Variants in SETD5 observed in about 807,000 individuals in gnomAD.
The protein encoded by SETD5 is histone-lysine N-methyltransferase SETD5.
SETD5 carries 44 observed loss-of-function variants against 153.3 expected under a neutral mutation model. The ratio of observed to expected loss-of-function variants is 0.29; its 90% CI spans 0.23 to 0.37. The LOEUF (loss-of-function observed/expected upper bound fraction) is 0.37. Ranked by LOEUF, SETD5 falls within the 10% of genes least tolerant of loss-of-function variation. SETD5 has a pLI of 1.00. For synonymous variants in SETD5, 716 were observed against 645.2 expected (o/e 1.11, Z -1.66); for missense variants, 1,544 against 1,768.0 (o/e 0.87, Z 2.27).
chr3:9,424,299 G>A (rs530306340), intron 1 of SETD5, among the ~76,000 whole-genome samples, 168 bp from the exon 2 acceptor site: 80 of 152,034 alleles, frequency 5.3e-4, no homozygotes, highest in Non-Finnish European at 6.3e-4. Context: ...AAAATTAAAG[G>A]GCAAAAAATT....
At chr3:9,474,914 C>G in intron 21 of SETD5, 154 bp from the exon 22 acceptor site, 1 of 664,126 alleles carries the variant, frequency 1.5e-6, no homozygotes, top group Non-Finnish European at 2.5e-6. Context: ...ATTAACCACT[C>G]ATTTTGCCCT....
intron 18 of SETD5, among the ~76,000 whole-genome samples, chr3:9,465,886 CTTTATAG>C (rs2044496803): frequency 6.6e-6 from 1 of 152,068 alleles, no homozygotes; most frequent in African/African-American, 2.4e-5. Context: ...GCACCTAGAG[CTTTATAG>C]TAAGGTATCA....
At chr3:9,429,674 C>T (rs983908115) in intron 3 of SETD5, among the ~76,000 whole-genome samples, 1 of 151,980 alleles carries the variant, frequency 6.6e-6, no homozygotes, top group Non-Finnish European at 1.5e-5. Flanking sequence ...GAAGGTAGGC[C>T]TTCATTATAC....
intron 1 of SETD5, among the ~76,000 whole-genome samples, chr3:9,408,508 G>GT (rs899900519): frequency 3.9e-5 from 6 of 152,088 alleles, no homozygotes; most frequent in African/African-American, 1.4e-4. Flanking sequence ...TATAGATTCT[G>GT]TTTTTTCCAT....
At chr3:9,457,372 C>T (rs111979419) in intron 17 of SETD5, among the ~76,000 whole-genome samples, 2 of 151,548 alleles carry the variant, frequency 1.3e-5, no homozygotes, top group Non-Finnish European at 2.9e-5. Context: ...CTTGTAGTCC[C>T]GCTACTCGGG....
chr3:9,464,301 T>C (rs2044311976), intron 17 of SETD5, 124 bp from the exon 18 acceptor site: 1 of 1,354,670 alleles, frequency 7.4e-7, no homozygotes, highest in Non-Finnish European at 1.0e-6. Flanking sequence ...TTGGAGGAGA[T>C]AACTTAATGG....
chr3:9,425,789 T>G (rs2039097793), intron 2 of SETD5, among the ~76,000 whole-genome samples: 1 of 152,188 alleles, frequency 6.6e-6, no homozygotes, highest in Admixed American at 6.5e-5. Flanking sequence ...AAACCATGCA[T>G]TTTTTAAATG....
At chr3:9,410,942 G>T (rs2036481997) in intron 1 of SETD5, among the ~76,000 whole-genome samples, 1 of 150,408 alleles carries the variant, frequency 6.6e-6, no homozygotes, top group Non-Finnish European at 1.5e-5. Flanking sequence ...AGGCTGGAGT[G>T]CAGTGGCATG....
At chr3:9,430,325 T>C (rs924256514) in intron 3 of SETD5, 19 of 983,000 alleles carry the variant, frequency 1.9e-5, no homozygotes, top group Admixed American at 1.8e-4. Context: ...TCTGGGGTAG[T>C]CTAAAATGAA....
At chr3:9,453,712 TA>T in intron 16 of SETD5, 26 bp from the exon 17 acceptor site, 1 of 1,562,064 alleles carries the variant, frequency 6.4e-7, no homozygotes, top group South Asian at 1.2e-5. Flanking sequence ...TAATTATTGA[TA>T]ATTCTCTGGT....
rs148278924 is a variant in SETD5, at chr3:9,452,887, G to A, written c.2347-852G>A. On this transcript the variant is annotated intron_variant, in intron 16 of 22. Coordinates refer to ENST00000402198, the MANE Select transcript of SETD5 (RefSeq NM_001080517.3). ...TCAAAATTCGATCTGTCTTATGTCA[G>A]GGCAGGAGAGCCACAGAGTGGTGAG... 1.2e-4 allele frequency among the ~76,000 whole-genome samples: 19 copies of A among 152,102 alleles called. No individual in the cohort carries two copies. In the East Asian group the frequency reaches 3.5e-3, roughly 28 times the overall value.
At chr3:9,435,976 C>A in intron 7 of SETD5, 70 bp downstream of exon 7, 1 of 1,391,142 alleles carries the variant, frequency 7.2e-7, no homozygotes, top group Non-Finnish European at 9.7e-7. Context: ...AAGAATGCAC[C>A]AAAATTCTTT....
chr3:9,468,288 A>G (rs930078690), intron 18 of SETD5, among the ~76,000 whole-genome samples: 14 of 152,050 alleles, frequency 9.2e-5, no homozygotes, highest in Non-Finnish European at 1.6e-4. Flanking sequence ...GAAACATTAT[A>G]ACCAATTTAT....
In SETD5 at chr3:9,447,096, A is replaced by T. The variant is rs750435821; in HGVS notation, c.1571A>T (p.Asn524Ile). ...GAAGCCATCATGCATGCTTTTGAAA[A>T]CTTAGAGAAAAGAAAGAAGCGGCGG... is the stretch of plus-strand genomic sequence containing the variant. ...KVEAIMHAFE[N>I]LEKRKKRRDQ... The change falls in exon 14 of 23, where the codon AAC becomes ATC. Residue 524 changes from asparagine (N) to isoleucine (I), a missense_variant. Asn to Ile is a moderately radical substitution (Grantham distance 149). Around this residue, in one of 9 missense-constraint regions of SETD5, gnomAD observed 782 missense variants for 787.2 expected, o/e 0.99. Transcript: ENST00000402198. 3 of 1,613,806 alleles carry T rather than the reference A, an allele frequency of 1.9e-6. No individual in the cohort carries two copies. Among genetic ancestry groups the T allele is most frequent in the Non-Finnish European group, 2.5e-6 (3 of 1,179,804 alleles).
chr3:9,430,246 A>G, intron 3 of SETD5: 2 of 984,948 alleles, frequency 2.0e-6, no homozygotes, highest in Non-Finnish European at 2.4e-6. Context: ...CACCTAATAT[A>G]ACTTACCTGT....
chr3:9,474,850 G>T, intron 21 of SETD5: 1 of 618,990 alleles, frequency 1.6e-6, no homozygotes. Flanking sequence ...CCTCGATGAA[G>T]GATGAAGAGA....
At position 9,445,256 on chromosome 3, in the gene SETD5, T is replaced by C; in HGVS notation, c.1396T>C (p.Ser466Pro). Residue 466 changes from serine to proline, a missense_variant, in exon 12 of 23, where the codon TCA (serine) becomes CCA (proline). Coordinates refer to ENST00000402198, the MANE Select transcript of SETD5 (RefSeq NM_001080517.3). ...EASEENNDQQ[S>P]QEVPEKVTVS... is the part of the protein sequence containing the mutation. ...TTCAGAGGAGAATAATGACCAGCAA[T>C]CACAAGAAGTTCCAGAAAAAGTAAC... 6.2e-7 allele frequency: 1 copy of C among 1,610,264 alleles called. No homozygotes were observed.
intron 16 of SETD5, among the ~76,000 whole-genome samples, chr3:9,450,819 A>G (rs537264630): frequency 6.6e-6 from 1 of 152,208 alleles, no homozygotes; most frequent in Non-Finnish European, 1.5e-5. Context: ...ACTTACCAGT[A>G]TAGGACAAAT....
rs376821559 is a variant in SETD5, at chr3:9,445,965, G to GTTTTTTTTTTTTTTTTTT, written c.1524+231_1524+248dup. 3.7e-4 allele frequency among the ~76,000 whole-genome samples: 32 copies of GTTTTTTTTTTTTTTTTTT among 86,458 alleles called. 4 individuals carry two copies. Among genetic ancestry groups the GTTTTTTTTTTTTTTTTTT allele is most frequent in the African/African-American group, 1.4e-3 (30 of 21,376 alleles). The allele number at this position is 86,458 out of a possible 152,430, so 56.7% of individuals were successfully genotyped here. On this transcript the variant is annotated intron_variant, in intron 13 of 22. Coordinates refer to ENST00000402198, the MANE Select transcript of SETD5 (RefSeq NM_001080517.3). Reference sequence around the variant, plus strand: ...TATCTAGTGATGGTTTGAAGAGGTTGTTTTTTTTTTTTTTTTTTTTTTTAC... The same window carrying GTTTTTTTTTTTTTTTTTT: ...TATCTAGTGATGGTTTGAAGAGGTTGTTTTTTTTTTTTTTTTTTTTTTTTTTTTTTTTTTTTTTTTTAC...
Sources: allele counts gnomAD v4.1 joint callset (sites outside exome capture counted in the v4.1 genomes callset), GRCh38; gene constraint gnomAD v4.1.1; regional missense constraint gnomAD v4.1.1; transcripts MANE v1.5; gene names NCBI Gene and HGNC (gene_info 2026-07-23, HGNC 2026-07-21).